The following PLEKHG7 variants were observed in gnomAD, a reference collection of about 807,000 sequenced individuals.
PLEKHG7 encodes pleckstrin homology and RhoGEF domain containing G7, also known as pleckstrin homology domain-containing family G member 7.
A neutral mutation model predicts 85.2 loss-of-function variants in PLEKHG7; 77 were observed. That is an observed-to-expected ratio of 0.90 (90% CI 0.75 to 1.09). PLEKHG7 has a LOEUF of 1.09. Ranked by LOEUF, PLEKHG7 falls within the 50% of genes least tolerant of loss-of-function variation. The pLI is 0.00. For synonymous variants in PLEKHG7, 301 were observed against 302.4 expected, an observed-to-expected ratio of 1.00 and a Z score of 0.05; for missense variants, 777 against 804.3, an observed-to-expected ratio of 0.97 and a Z score of 0.41.
intron 10 of PLEKHG7, among the ~76,000 whole-genome samples, chr12:92,747,472 T>C (rs59547501): frequency 0.24 from 36,680 of 152,106 alleles, 5,328 homozygotes; most frequent in East Asian, 0.55. Flanking sequence ...GTATGTAAAT[T>C]AGTGCAGTTG....
intron 9 of PLEKHG7, among the ~76,000 whole-genome samples, chr12:92,744,760 G>A (rs972316709): frequency 4.0e-5 from 6 of 151,818 alleles, no homozygotes; most frequent in African/African-American, 9.7e-5. Flanking sequence ...CCACCTCCTG[G>A]GTTCAAGCAA....
intron 12 of PLEKHG7, 113 bp from the exon 13 acceptor site, chr12:92,756,185 G>A (rs975652654): frequency 1.3e-6 from 1 of 796,344 alleles, no homozygotes; most frequent in Non-Finnish European, 2.0e-6. Context: ...CCATCTGCTG[G>A]CATTTCCAAA....
chr12:92,728,555 C>T (rs1190654372), intron 3 of PLEKHG7, among the ~76,000 whole-genome samples: 2 of 140,900 alleles, frequency 1.4e-5, no homozygotes, highest in Non-Finnish European at 3.0e-5. Context: ...ATATATACAC[C>T]ACATTCCATG....
rs1235727783 is a variant in PLEKHG7 at position 92,770,412 on chromosome 12, C to CTG, written c.*218_*219dup. On this transcript the variant is annotated 3_prime_UTR_variant, in exon 17 of 17. Transcript: ENST00000344636. ...TGAGGAATTTCTTGACAAATATATACTGACATCCAGATTACCTTCTAATGC... is the reference window on the plus strand; with the variant it reads ...TGAGGAATTTCTTGACAAATATATACTGTGACATCCAGATTACCTTCTAATGC... 1 of 472,050 alleles carries CTG rather than the reference C, an allele frequency of 2.1e-6. No homozygotes were observed. Among genetic ancestry groups the CTG allele is most frequent in the Non-Finnish European group, 3.7e-6 (1 of 270,362 alleles). The allele number at this position is 472,050 out of a possible 1,614,324, so 29.2% of individuals were successfully genotyped here.
intron 4 of PLEKHG7, 62 bp from the exon 5 acceptor site, chr12:92,732,171 G>A (rs1395283513): frequency 5.8e-6 from 6 of 1,038,212 alleles, no homozygotes; most frequent in Middle Eastern, 3.5e-4. Flanking sequence ...AAAGCACTAC[G>A]ATGATCTGTC....
At chr12:92,769,334 C>A (rs1326442026) in intron 16 of PLEKHG7, among the ~76,000 whole-genome samples, 3 of 152,224 alleles carry the variant, frequency 2.0e-5, no homozygotes, top group East Asian at 1.9e-4. Context: ...AATTTCCTCA[C>A]GCTTGCAGAG....
intron 3 of PLEKHG7, chr12:92,721,396 G>C: frequency 1.0e-5 from 12 of 1,164,416 alleles, no homozygotes; most frequent in Non-Finnish European, 1.3e-5. Context: ...CCACACCATG[G>C]ACCTTCAGAT....
chr12:92,762,765 A>G (rs753710638), intron 14 of PLEKHG7, among the ~76,000 whole-genome samples: 8 of 152,210 alleles, frequency 5.3e-5, no homozygotes, highest in Non-Finnish European at 1.2e-4. Context: ...CCTTACATAG[A>G]TAAGATCATG....
At chr12:92,756,191 C>T (rs539579081) in intron 12 of PLEKHG7, 107 bp from the exon 13 acceptor site, 3 of 838,056 alleles carry the variant, frequency 3.6e-6, no homozygotes, top group Non-Finnish European at 5.7e-6. Flanking sequence ...GCTGGCATTT[C>T]CAAATGTCAT....
At chr12:92,709,872 A>G (rs1238378648) in intron 3 of PLEKHG7, among the ~76,000 whole-genome samples, 1 of 152,164 alleles carries the variant, frequency 6.6e-6, no homozygotes, top group African/African-American at 2.4e-5. Context: ...GTGAAACCTC[A>G]TCTCTACTAA....
chr12:92,704,020 T>C (rs938664604), intron 1 of PLEKHG7, among the ~76,000 whole-genome samples: 1 of 152,250 alleles, frequency 6.6e-6, no homozygotes, highest in Non-Finnish European at 1.5e-5. Context: ...TTAACATTGT[T>C]GCTGCCTAGA....
chr12:92,727,400 C>T lies in PLEKHG7; in HGVS notation c.531-1593C>T, dbSNP rs116452971. Among the ~76,000 whole-genome samples the T allele has an allele frequency of 1.7e-3, 262 of 152,248 alleles. 1 individual carries two copies. The highest frequency in any genetic ancestry group is 6.2e-3 in the African/African-American group (258 of 41,538). On this transcript the variant is annotated intron_variant, in intron 3 of 16. Coordinates refer to ENST00000344636, the MANE Select transcript of PLEKHG7 (RefSeq NM_001377329.1). ...GTACCCAATAGTTAATTTTGCAACA[C>T]TTACTTCCCTCCCACCTCACCCCTC...
intron 3 of PLEKHG7, among the ~76,000 whole-genome samples, chr12:92,723,977 C>T (rs908034838): frequency 6.6e-6 from 1 of 152,258 alleles, no homozygotes; most frequent in South Asian, 2.1e-4. Flanking sequence ...CAAAAATTCC[C>T]CTACATTACA....
Position 92,706,908 on chromosome 12 carries a change from A to G in PLEKHG7, c.277A>G (p.Lys93Glu), listed in dbSNP as rs757359479. 6.2e-7 allele frequency: 1 copy of G among 1,614,098 alleles called. No individual in the cohort carries two copies. Among genetic ancestry groups the G allele is most frequent in the Admixed American group, 1.7e-5 (1 of 60,026 alleles). Residue 93 changes from lysine to glutamate, a missense_variant, in exon 2 of 17, where the codon AAG becomes GAG. Lys to Glu is a moderately conservative substitution (Grantham distance 56). Coordinates refer to ENST00000344636, the MANE Select transcript of PLEKHG7 (RefSeq NM_001377329.1). ...YLSKSLPGSP[K>E]DSSHLLSPLR... ...TTCGAAGAGCCTGCCAGGAAGCCCA[A>G]AGGATTCTTCACACTTGCTGTCACC...
intron 3 of PLEKHG7, among the ~76,000 whole-genome samples, chr12:92,715,128 T>C (rs933025274): frequency 6.6e-6 from 1 of 152,228 alleles, no homozygotes; most frequent in Non-Finnish European, 1.5e-5. Context: ...GTCTGCCAGC[T>C]GCGGAGCAAG....
In PLEKHG7 at chr12:92,729,111, C is replaced by T; in HGVS notation, c.649C>T (p.Leu217=). 8.1e-7 allele frequency: 1 copy of T among 1,231,782 alleles called. No individual in the cohort carries two copies. The highest frequency in any genetic ancestry group is 1.0e-6 in the Non-Finnish European group (1 of 987,770). 76.3% of individuals were successfully genotyped at this position (1,231,782 alleles called of 1,614,324 possible). ...TTACCTATGCCATCCACTTCTGCTGCTGAATTCAGGTTCTGTTCATTCAGT... is the reference window on the plus strand; with the variant it reads ...TTACCTATGCCATCCACTTCTGCTGTTGAATTCAGGTTCTGTTCATTCAGT... ...ADYLCHPLLL[L]NSESKKPRWP... Residue 217 remains leucine, a synonymous_variant, in exon 4 of 17, where the codon CTG becomes TTG. Coordinates refer to ENST00000344636, the MANE Select transcript of PLEKHG7 (RefSeq NM_001377329.1).
At chr12:92,760,341 A>G (rs1319838411) in intron 13 of PLEKHG7, among the ~76,000 whole-genome samples, 1 of 152,192 alleles carries the variant, frequency 6.6e-6, no homozygotes, top group Non-Finnish European at 1.5e-5. Context: ...TTTTAAAAAA[A>G]CTATTCAAGG....
Position 92,707,656 on chromosome 12 carries a change from G to T in PLEKHG7, c.514G>T (p.Glu172Ter). The stretch of plus-strand genomic sequence containing the variant: ...TTCTTAAAATTTATTTCAGGGAGAA[G>T]AATTGCACCCATCCAGGTGTGTATG... ...TLRHPSPQGE[E>*]LHPSRFYEHR... The change falls in exon 3 of 17, where the codon GAA (glutamate) becomes TAA (stop). Residue 172 changes from glutamate to a stop codon, truncating the protein, a stop_gained. Coordinates refer to ENST00000344636, the MANE Select transcript of PLEKHG7 (RefSeq NM_001377329.1). LOFTEE classifies it high-confidence loss of function. 1 of 1,613,822 alleles carries T rather than the reference G, an allele frequency of 6.2e-7. No individual in the cohort carries two copies. Among genetic ancestry groups the T allele is most frequent in the Non-Finnish European group, 8.5e-7 (1 of 1,179,850 alleles).
intron 10 of PLEKHG7, among the ~76,000 whole-genome samples, chr12:92,747,017 A>C (rs2136612155): frequency 6.6e-6 from 1 of 152,364 alleles, no homozygotes; most frequent in African/African-American, 2.4e-5. Context: ...AACAAAAACA[A>C]AAATAGACAA....
Sources: gnomAD v4.1 joint callset for allele counts (sites outside exome capture counted in the v4.1 genomes callset) on GRCh38, gnomAD v4.1.1 for gene constraint, MANE v1.5 for transcripts, NCBI Gene and HGNC (gene_info 2026-07-23, HGNC 2026-07-21) for gene names.